Variants in CEP128 observed in about 807,000 individuals in gnomAD.
CEP128 encodes the protein centrosomal protein 128.
In CEP128, 132 loss-of-function variants were observed where a neutral mutation model predicts 156.7. The ratio of observed to expected loss-of-function variants is 0.84; its 90% confidence interval spans 0.73 to 0.97. CEP128 has a LOEUF of 0.97. Ranked by LOEUF, CEP128 falls within the 50% of genes least tolerant of loss-of-function variation. The pLI is 0.00. For missense variants in CEP128, 1,252 were observed against 1,281.9 expected (o/e 0.98, Z 0.36); for synonymous variants, 469 against 448.9 (o/e 1.04, Z -0.57).
intron 19 of CEP128, among the ~76,000 whole-genome samples, chr14:80,672,530 G>T (rs977688560): frequency 6.6e-5 from 10 of 152,302 alleles, no homozygotes; most frequent in Admixed American, 3.3e-4. Flanking sequence ...GCATGTGTGT[G>T]TAGGAACGGA....
intron 19 of CEP128, among the ~76,000 whole-genome samples, chr14:80,670,471 C>A (rs1417143045): frequency 6.6e-6 from 1 of 152,122 alleles, no homozygotes; most frequent in Non-Finnish European, 1.5e-5. Context: ...GAAATCATGT[C>A]TTTTGCAGAA....
chr14:80,747,231 G>GT (rs879394875), intron 18 of CEP128, among the ~76,000 whole-genome samples: 11 of 152,174 alleles, frequency 7.2e-5, no homozygotes, highest in Non-Finnish European at 1.5e-4. Context: ...CTACTCCCAG[G>GT]TAAGTATCTA....
rs55964142 is a variant in CEP128 at position 80,733,339 on chromosome 14, CGTGTGTGTGTGTGT to C, written c.2806+9722_2806+9735del. 2.8e-3 allele frequency among the ~76,000 whole-genome samples: 399 copies of C among 140,242 alleles called. 2 individuals carry two copies. The highest frequency in any genetic ancestry group is 7.2e-3 in the Middle Eastern group (2 of 276). The allele number at this position is 140,242 out of a possible 152,430, so 92.0% of individuals were successfully genotyped here. On this transcript the variant is annotated intron_variant, in intron 19 of 24. Transcript: ENST00000555265. The stretch of plus-strand genomic sequence containing the variant: ...TCTCAGTCTTCATAACCACATGGGT[CGTGTGTGTGTGTGT>C]GTGTGTGTGTGTGTGTGTGTGTGTG...
Position 80,919,270 on chromosome 14 carries a change from C to T in CEP128, c.-15-2708G>A, listed in dbSNP as rs533545814. ...ATGTCAGACACTTCTAATACGTAGA[C>T]AATTTGAGTTTCAACATGACTAAAA... On this transcript the variant is annotated intron_variant, in intron 2 of 24. Coordinates refer to ENST00000555265, the MANE Select transcript of CEP128 (RefSeq NM_152446.5). Among the ~76,000 whole-genome samples, 118 of 152,202 alleles carry T rather than the reference C, an allele frequency of 7.8e-4. 2 individuals carry two copies. Among genetic ancestry groups the T allele is most frequent in the South Asian group, 4.1e-4 (2 of 4,828 alleles).
At chr14:80,661,585 C>CTT (rs1351397163) in intron 19 of CEP128, among the ~76,000 whole-genome samples, 5 of 152,160 alleles carry the variant, frequency 3.3e-5, no homozygotes, top group African/African-American at 1.2e-4. Context: ...TTTGTAAGAA[C>CTT]TTCAGATGCA....
chr14:80,573,924 C>G (rs10498545), intron 20 of CEP128, among the ~76,000 whole-genome samples: 24,024 of 152,050 alleles, frequency 0.16, 2,235 homozygotes, highest in East Asian at 0.2. Flanking sequence ...TTGCTTAGAA[C>G]AATTATTTTT....
intron 2 of CEP128, chr14:80,958,128 A>G (rs1034433017): frequency 2.0e-5 from 3 of 152,016 alleles, no homozygotes; most frequent in African/African-American, 7.2e-5. Flanking sequence ...AGAAAAGCAT[A>G]TGAGAGAAGT....
Position 80,914,352 on chromosome 14 carries a change from G to A in CEP128, c.204C>T (p.Tyr68=). The change falls in exon 4 of 25, where the codon TAC becomes TAT. Residue 68 remains tyrosine (Y), a synonymous_variant. Transcript: ENST00000555265. ...VDQMLGRYRE[Y]SNGQAGAIEH... is the part of the protein sequence containing the mutation. ...CTATCGCACCCGCCTGTCCATTACT[G>A]TATTCTCGGTATCGTCCAAGCATCT... 1.2e-6 allele frequency: 2 copies of A among 1,613,710 alleles called. No homozygotes were observed. The highest frequency in any genetic ancestry group is 1.1e-5 in the South Asian group (1 of 91,050).
intron 19 of CEP128, among the ~76,000 whole-genome samples, 184 bp from the exon 20 acceptor site, chr14:80,580,607 C>T (rs1010713362): frequency 3.3e-5 from 5 of 152,228 alleles, no homozygotes; most frequent in Admixed American, 2.6e-4. Context: ...TGGCAGAGCG[C>T]GGGAGCCTGC....
At chr14:80,616,597 C>G (rs1893224121) in intron 19 of CEP128, among the ~76,000 whole-genome samples, 1 of 152,108 alleles carries the variant, frequency 6.6e-6, no homozygotes, top group East Asian at 1.9e-4. Context: ...AGGATGTTAA[C>G]AAGATTCTTA....
intron 14 of CEP128, among the ~76,000 whole-genome samples, chr14:80,789,702 G>A (rs1199700071): frequency 1.3e-5 from 2 of 151,958 alleles, no homozygotes; most frequent in East Asian, 1.9e-4. Flanking sequence ...AAGAAGGCCT[G>A]AAAAAAGCTG....
intron 21 of CEP128, among the ~76,000 whole-genome samples, chr14:80,550,119 A>G (rs1890151351): frequency 6.6e-6 from 1 of 152,186 alleles, no homozygotes; most frequent in African/African-American, 2.4e-5. Context: ...ATATTTCTCA[A>G]TATAGGCATT....
intron 6 of CEP128, 140 bp downstream of exon 6, chr14:80,904,673 C>CA: frequency 1.7e-6 from 1 of 580,234 alleles, no homozygotes; most frequent in South Asian, 2.7e-5. Context: ...TACTTGGTTC[C>CA]AAAAAAAGGG....
chr14:80,480,898 A>C (rs763342696), intron 14 of CEP128, among the ~76,000 whole-genome samples: 1 of 152,110 alleles, frequency 6.6e-6, no homozygotes, highest in Non-Finnish European at 1.5e-5. Context: ...CCTCATCTTC[A>C]CCTGAGACCA....
In CEP128 at chr14:80,939,488, G is replaced by A. The variant is rs1191956563; in HGVS notation, c.-119C>T. ...ATTTCTTCATGAGGTTCAGGGCAAA[G>A]GGCCTAGTCAAGCCGATGATCTTTG... On this transcript the variant is annotated 5_prime_UTR_variant, in exon 2 of 25. Transcript: ENST00000555265. 13 of 152,122 alleles carry A rather than the reference G, an allele frequency of 8.5e-5. No homozygotes were observed. The highest frequency in any genetic ancestry group is 3.1e-4 in the African/African-American group (13 of 41,422). The allele number at this position is 152,122 out of a possible 1,614,324, so 9.4% of individuals were successfully genotyped here.
chr14:80,725,475 G>A (rs566274931), intron 19 of CEP128, among the ~76,000 whole-genome samples: 3 of 152,024 alleles, frequency 2.0e-5, no homozygotes, highest in Non-Finnish European at 4.4e-5. Context: ...GAGGCACTGC[G>A]CCCAGCCCCC....
rs569504352 is a variant in CEP128, at chr14:80,795,342, C to T, written c.1210-2232G>A. 2.2e-4 allele frequency among the ~76,000 whole-genome samples: 33 copies of T among 152,312 alleles called. No individual in the cohort carries two copies. The South Asian group carries it at 5.8e-3, about 27-fold the overall frequency. On this transcript the variant is annotated intron_variant, in intron 13 of 24. Coordinates refer to ENST00000555265, the MANE Select transcript of CEP128 (RefSeq NM_152446.5). ...TTACACCCTCTTCCTTCTGTGTTAT[C>T]TGTGCTTCATTGTCAAGGAGATGAC... is the stretch of plus-strand genomic sequence containing the variant.
chr14:80,746,348 G>C (rs1448560241), intron 18 of CEP128, among the ~76,000 whole-genome samples: 1 of 152,166 alleles, frequency 6.6e-6, no homozygotes, highest in South Asian at 2.1e-4. Flanking sequence ...TTACTACAAA[G>C]CTACAGTAGT....
chr14:80,904,428 T>C lies in CEP128; in HGVS notation c.480+385A>G, dbSNP rs117505854. On this transcript the variant is annotated intron_variant, in intron 6 of 24. Transcript: ENST00000555265. ...CAGGAGGAATAGGTTTTGAGATGTA[T>C]TGCACATCAGGATGACCAATGTCAA... 8.4e-3 allele frequency among the ~76,000 whole-genome samples: 1,278 copies of C among 152,190 alleles called. 14 individuals carry two copies. Among genetic ancestry groups the C allele is most frequent in the South Asian group, 0.01 (50 of 4,808 alleles).
Sources: gnomAD v4.1 joint callset for allele counts (sites outside exome capture counted in the v4.1 genomes callset) on GRCh38, gnomAD v4.1.1 for gene constraint, MANE v1.5 for transcripts, NCBI Gene and HGNC (gene_info 2026-07-23, HGNC 2026-07-21) for gene names.